Variants in PIGK observed in about 807,000 individuals in gnomAD.
PIGK encodes phosphatidylinositol glycan anchor biosynthesis class K.
Under a neutral mutation model 50.6 loss-of-function variants are expected in PIGK, and 42 were observed. The ratio of observed to expected loss-of-function variants is 0.83; its 90% CI spans 0.65 to 1.07. PIGK has a LOEUF of 1.07. Among genes scored for constraint, PIGK ranks in the 50% least tolerant of loss-of-function variants. The pLI is 0.00. For missense variants in PIGK, 448 were observed against 488.7 expected (o/e 0.92, Z 0.78); for synonymous variants, 151 against 156.0 (o/e 0.97, Z 0.24).
rs573383211 is a variant in PIGK, at chr1:77,125,044, T to C, written c.987-2685A>G. ...AAATCACTGACATTAATTCTAAGAG[T>C]ATAAAAGAAATATGACAAAGTCACT... On this transcript the variant is annotated intron_variant, in intron 9 of 10. Coordinates refer to ENST00000370812, the MANE Select transcript of PIGK (RefSeq NM_005482.3). Among the ~76,000 whole-genome samples, 45 of 152,194 alleles carry C rather than the reference T, an allele frequency of 3.0e-4. No individual in the cohort carries two copies. In the East Asian group the frequency reaches 6.4e-3, roughly 22 times the overall value.
At chr1:77,150,178 C>G (rs1188581869) in intron 9 of PIGK, among the ~76,000 whole-genome samples, 1 of 151,870 alleles carries the variant, frequency 6.6e-6, no homozygotes, top group African/African-American at 2.4e-5. Context: ...ACTTAAAGAA[C>G]TCAAAAATCA....
intron 10 of PIGK, among the ~76,000 whole-genome samples, chr1:77,105,248 C>A (rs371858531): frequency 3.3e-5 from 5 of 151,976 alleles, no homozygotes; most frequent in African/African-American, 7.2e-5. Flanking sequence ...TCCCTACCAA[C>A]TGAGTCTGGG....
chr1:77,216,622 C>G (rs1656571836), intron 1 of PIGK, among the ~76,000 whole-genome samples: 1 of 151,652 alleles, frequency 6.6e-6, no homozygotes, highest in Non-Finnish European at 1.5e-5. Flanking sequence ...GTGTGTGTGG[C>G]ATGTGTGTGT....
intron 10 of PIGK, among the ~76,000 whole-genome samples, chr1:77,109,199 G>A (rs1034854640): frequency 3.9e-5 from 6 of 152,074 alleles, no homozygotes; most frequent in East Asian, 1.9e-4. Context: ...AGCTGGTACC[G>A]TTCCTTCTGA....
At chr1:77,177,011 C>A (rs2202164) in intron 3 of PIGK, among the ~76,000 whole-genome samples, 5,737 of 152,266 alleles carry the variant, frequency 0.038, 208 homozygotes, top group South Asian at 0.21. Flanking sequence ...AGCTTCAGCT[C>A]CATTTGGTTA....
intron 3 of PIGK, among the ~76,000 whole-genome samples, chr1:77,200,167 G>T (rs1216080819): frequency 1.3e-5 from 2 of 152,074 alleles, no homozygotes; most frequent in Non-Finnish European, 2.9e-5. Flanking sequence ...ACAGTTATGT[G>T]TAGGATGAGT....
At chr1:77,175,488 C>A (rs775897404) in intron 3 of PIGK, among the ~76,000 whole-genome samples, 14 of 151,996 alleles carry the variant, frequency 9.2e-5, no homozygotes, top group African/African-American at 1.2e-4. Flanking sequence ...CTAAGAGTTA[C>A]TATTATAACA....
At chr1:77,204,853 A>T (rs114769217) in intron 3 of PIGK, among the ~76,000 whole-genome samples, 5 of 152,140 alleles carry the variant, frequency 3.3e-5, no homozygotes, top group Non-Finnish European at 7.4e-5. Context: ...ACATTTATTT[A>T]TTTACCCAAT....
intron 3 of PIGK, among the ~76,000 whole-genome samples, chr1:77,183,715 G>A (rs1051926198): frequency 3.9e-5 from 6 of 152,136 alleles, no homozygotes; most frequent in African/African-American, 9.7e-5. Context: ...GTTGCACCTC[G>A]AGGAGGGGGA....
chr1:77,188,029 G>C (rs949229811), intron 3 of PIGK, among the ~76,000 whole-genome samples: 1 of 152,054 alleles, frequency 6.6e-6, no homozygotes, highest in East Asian at 1.9e-4. Flanking sequence ...CCTGTCAGCC[G>C]AGGAAGATGT....
intron 3 of PIGK, among the ~76,000 whole-genome samples, chr1:77,191,939 C>T (rs866451133): frequency 2.0e-5 from 3 of 152,284 alleles, no homozygotes; most frequent in South Asian, 2.1e-4. Context: ...TTCTTAGAAA[C>T]CATTAATATA....
intron 10 of PIGK, among the ~76,000 whole-genome samples, chr1:77,105,996 T>C (rs977114792): frequency 1.3e-5 from 2 of 152,222 alleles, no homozygotes; most frequent in African/African-American, 4.8e-5. Flanking sequence ...TCTTGAATTA[T>C]ACGGAAAATG....
In PIGK at chr1:77,096,339, C is replaced by T. The variant is rs532572297; in HGVS notation, c.1072-3849G>A. On this transcript the variant is annotated intron_variant, in intron 10 of 10. Transcript: ENST00000370812. Reference sequence around the variant, plus strand: ...TTGGCTGTGTCCATACCCTCTGCAACGTGACTTTATAGAAGCTGTCAGCAA... The same window carrying T: ...TTGGCTGTGTCCATACCCTCTGCAATGTGACTTTATAGAAGCTGTCAGCAA... Among the ~76,000 whole-genome samples, 93 of 152,268 alleles carry T rather than the reference C, an allele frequency of 6.1e-4. 1 individual carries two copies. In the South Asian group the frequency reaches 0.018, roughly 30 times the overall value.
At chr1:77,212,053 G>A (rs769291654) in intron 1 of PIGK, among the ~76,000 whole-genome samples, 2 of 151,926 alleles carry the variant, frequency 1.3e-5, no homozygotes, top group African/African-American at 2.4e-5. Context: ...AGCTGATTGA[G>A]CACATCCTCT....
chr1:77,194,732 T>C, intron 3 of PIGK: 1 of 323,910 alleles, frequency 3.1e-6, no homozygotes, highest in Non-Finnish European at 5.9e-6. Flanking sequence ...CACCAAACCC[T>C]GTGATACACA....
chr1:77,140,580 T>TAGTGTTAA (rs879632942), intron 9 of PIGK, among the ~76,000 whole-genome samples: 130 of 152,298 alleles, frequency 8.5e-4, no homozygotes, highest in Non-Finnish European at 1.3e-3. Flanking sequence ...GTGGGTTTTT[T>TAGTGTTAA]CATATTTAGT....
chr1:77,185,022 A>C (rs1250317319), intron 3 of PIGK, among the ~76,000 whole-genome samples: 3 of 152,204 alleles, frequency 2.0e-5, no homozygotes, highest in Non-Finnish European at 4.4e-5. Flanking sequence ...GCAGATTATC[A>C]TAAACTTAAC....
At chr1:77,157,544 C>T (rs1655035734) in intron 8 of PIGK, among the ~76,000 whole-genome samples, 2 of 151,978 alleles carry the variant, frequency 1.3e-5, no homozygotes, top group Admixed American at 6.6e-5. Context: ...ATGTACAATC[C>T]AAAAATGAGA....
chr1:77,149,378 T>C (rs1252023748), intron 9 of PIGK, among the ~76,000 whole-genome samples: 1 of 151,690 alleles, frequency 6.6e-6, no homozygotes, highest in African/African-American at 2.4e-5. Flanking sequence ...CCTATAAAGA[T>C]ACAGACAAAA....
Sources: allele counts gnomAD v4.1 joint callset (sites outside exome capture counted in the v4.1 genomes callset), GRCh38; gene constraint gnomAD v4.1.1; transcripts MANE v1.5; gene names NCBI Gene and HGNC (gene_info 2026-07-23, HGNC 2026-07-21).